The following ANO10 variants were observed in gnomAD, a reference collection of about 807,000 sequenced individuals.
ANO10 encodes the protein anoctamin-10.
Under a neutral mutation model 74.7 loss-of-function variants are expected in ANO10, and 77 were observed. The ratio of observed to expected loss-of-function variants is 1.03; its 90% CI spans 0.86 to 1.25. ANO10 has a LOEUF of 1.25. Among genes scored for constraint, ANO10 ranks in the 50% most tolerant of loss-of-function variants. The probability of loss-of-function intolerance (pLI) is 0.00; values close to 1 mark genes in which losing one functional copy is unlikely to be tolerated. For synonymous variants in ANO10, 279 were observed against 284.9 expected (o/e 0.98, Z 0.21); for missense variants, 721 against 778.1 (o/e 0.93, Z 0.87).
chr3:43,374,119 A>G (rs921468614), intron 12 of ANO10, among the ~76,000 whole-genome samples: 1 of 152,170 alleles, frequency 6.6e-6, no homozygotes, highest in Non-Finnish European at 1.5e-5. Flanking sequence ...GCTCAGGTCC[A>G]TGGGTCTGGG....
chr3:43,578,525 G>A (rs530406306), intron 5 of ANO10, among the ~76,000 whole-genome samples: 1 of 152,196 alleles, frequency 6.6e-6, no homozygotes, highest in African/African-American at 2.4e-5. Context: ...CAAGGCGGGC[G>A]AATCACCTGA....
intron 11 of ANO10, among the ~76,000 whole-genome samples, chr3:43,446,015 A>G (rs2093240094): frequency 2.0e-5 from 3 of 152,278 alleles, no homozygotes; most frequent in South Asian, 4.1e-4. Context: ...AGCTGTCCAA[A>G]CACTGATGAG....
intron 12 of ANO10, among the ~76,000 whole-genome samples, chr3:43,380,279 A>G (rs2091922996): frequency 6.6e-6 from 1 of 152,234 alleles, no homozygotes; most frequent in Non-Finnish European, 1.5e-5. Flanking sequence ...AATTGAGGAA[A>G]ACTTCTCCAG....
chr3:43,428,846 T>A (rs997492978), intron 12 of ANO10, among the ~76,000 whole-genome samples: 1 of 137,520 alleles, frequency 7.3e-6, no homozygotes, highest in Admixed American at 7.7e-5. Context: ...GATTTCAGAT[T>A]TTCCCATTAG....
intron 11 of ANO10, among the ~76,000 whole-genome samples, chr3:43,469,422 T>C (rs1176080999): frequency 6.6e-6 from 1 of 152,200 alleles, no homozygotes; most frequent in Non-Finnish European, 1.5e-5. Flanking sequence ...TACTGATTCA[T>C]CAAATTAACA....
At chr3:43,560,759 T>A (rs968574900) in intron 9 of ANO10, among the ~76,000 whole-genome samples, 1 of 152,244 alleles carries the variant, frequency 6.6e-6, no homozygotes, top group African/African-American at 2.4e-5. Context: ...AACTGTTTTA[T>A]ATTTATACAA....
At chr3:43,432,803 A>G in intron 11 of ANO10, 76 bp from the exon 12 acceptor site, 1 of 981,316 alleles carries the variant, frequency 1.0e-6, no homozygotes, top group South Asian at 1.3e-5. Context: ...ATATCTAAGC[A>G]ATCTAGGATT....
intron 11 of ANO10, among the ~76,000 whole-genome samples, chr3:43,536,877 T>G (rs1486778672): frequency 6.6e-6 from 1 of 151,872 alleles, no homozygotes; most frequent in Non-Finnish European, 1.5e-5. Context: ...ATTTTAAAAT[T>G]TACCTTTTAA....
At chr3:43,499,488 G>C (rs1247196745) in intron 11 of ANO10, among the ~76,000 whole-genome samples, 2 of 151,990 alleles carry the variant, frequency 1.3e-5, no homozygotes, top group Admixed American at 6.6e-5. Flanking sequence ...CAGGGGAAGA[G>C]GGCATTTGCA....
At chr3:43,582,050 CTCTCTTA>C (rs946107522) in intron 4 of ANO10, among the ~76,000 whole-genome samples, 1 of 152,092 alleles carries the variant, frequency 6.6e-6, no homozygotes, top group African/African-American at 2.4e-5. Context: ...AGAGAGCTAC[CTCTCTTA>C]TCTCTTATCT....
At chr3:43,380,807 C>G (rs1167853937) in intron 12 of ANO10, among the ~76,000 whole-genome samples, 1 of 152,118 alleles carries the variant, frequency 6.6e-6, no homozygotes, top group Non-Finnish European at 1.5e-5. Context: ...ATTCAGGCAA[C>G]AAATAGCATG....
intron 12 of ANO10, among the ~76,000 whole-genome samples, chr3:43,370,590 A>G (rs2125671740): frequency 6.6e-6 from 1 of 152,290 alleles, no homozygotes; most frequent in African/African-American, 2.4e-5. Flanking sequence ...ATCCCCTTAA[A>G]AAAAACCTGG....
At chr3:43,605,936 T>C (rs753186446) in intron 1 of ANO10, 73 bp from the exon 2 acceptor site, 250 of 1,522,156 alleles carry the variant, frequency 1.6e-4, no homozygotes, top group Non-Finnish European at 2.2e-4. Flanking sequence ...TAGACTTCAT[T>C]TTCTCCCAAT....
intron 1 of ANO10, among the ~76,000 whole-genome samples, chr3:43,615,063 T>C (rs2083030260): frequency 6.6e-6 from 1 of 151,376 alleles, no homozygotes; most frequent in African/African-American, 2.4e-5. Context: ...TAAAGTATGA[T>C]CATATAAATA....
intron 10 of ANO10, 149 bp from the exon 11 acceptor site, chr3:43,549,997 TATG>T (rs1195136778): frequency 1.1e-6 from 1 of 929,866 alleles, no homozygotes; most frequent in Non-Finnish European, 1.6e-6. Flanking sequence ...TCTGTCATGG[TATG>T]ATTTTTTTAG....
intron 12 of ANO10, among the ~76,000 whole-genome samples, chr3:43,380,786 A>G (rs889967415): frequency 1.3e-5 from 2 of 152,218 alleles, no homozygotes; most frequent in African/African-American, 2.4e-5. Context: ...CCACAATGAA[A>G]AAAACAAGGC....
intron 12 of ANO10, among the ~76,000 whole-genome samples, chr3:43,414,629 T>G (rs542260518): frequency 5.9e-5 from 9 of 152,318 alleles, no homozygotes; most frequent in Non-Finnish European, 1.3e-4. Context: ...TACAGTGGGA[T>G]AGTAAATATT....
chr3:43,541,749 C>T (rs1204636832), intron 11 of ANO10, among the ~76,000 whole-genome samples: 2 of 152,190 alleles, frequency 1.3e-5, no homozygotes, highest in Non-Finnish European at 2.9e-5. Context: ...ACTGAGGCTT[C>T]ATCATATGCT....
intron 12 of ANO10, among the ~76,000 whole-genome samples, chr3:43,410,134 G>A (rs901065014): frequency 6.6e-6 from 1 of 151,782 alleles, no homozygotes; most frequent in Non-Finnish European, 1.5e-5. Flanking sequence ...GAAATCTTCC[G>A]TATTTAACAT....
Sources: allele counts gnomAD v4.1 joint callset (sites outside exome capture counted in the v4.1 genomes callset), GRCh38; gene constraint gnomAD v4.1.1; transcripts MANE v1.5; gene names NCBI Gene and HGNC (gene_info 2026-07-23, HGNC 2026-07-21).